Variants in NUP210L observed in about 807,000 individuals in gnomAD.
NUP210L encodes nuclear pore membrane glycoprotein 210-like.
Under a neutral mutation model 208.5 loss-of-function variants are expected in NUP210L, and 74 were observed. The ratio of observed to expected loss-of-function variants is 0.35; its 90% CI spans 0.29 to 0.43. The LOEUF (loss-of-function observed/expected upper bound fraction) is 0.43, where lower values mean the gene tolerates loss of function less well. NUP210L is among the 20% of genes least tolerant of loss of function. The pLI is 1.00. For missense variants in NUP210L, 1,843 were observed against 2,289.4 expected (o/e 0.81, Z 3.98); for synonymous variants, 780 against 816.9 (o/e 0.95, Z 0.77).
chr1:154,153,575 G>T (rs913444519), intron 1 of NUP210L, among the ~76,000 whole-genome samples: 1 of 152,162 alleles, frequency 6.6e-6, no homozygotes, highest in Admixed American at 6.5e-5. Flanking sequence ...CTCCCAAAGT[G>T]CTGGGATTAC....
intron 16 of NUP210L, among the ~76,000 whole-genome samples, chr1:154,089,090 T>G (rs937584139): frequency 6.6e-6 from 1 of 152,176 alleles, no homozygotes; most frequent in Non-Finnish European, 1.5e-5. Flanking sequence ...AAGCTGATTA[T>G]GTACTTAAGT....
intron 35 of NUP210L, among the ~76,000 whole-genome samples, chr1:154,005,372 G>T (rs936542766): frequency 6.7e-6 from 1 of 148,224 alleles, no homozygotes; most frequent in Non-Finnish European, 1.5e-5. Context: ...TACCCAAGTA[G>T]CGTGAGCCAC....
chr1:153,993,595 G>A (rs1296273629), intron 38 of NUP210L, among the ~76,000 whole-genome samples: 1 of 150,546 alleles, frequency 6.6e-6, no homozygotes, highest in African/African-American at 2.4e-5. Context: ...GGGAAATGGA[G>A]TAGACAATAG....
At chr1:153,994,732 A>C (rs145536212) in intron 38 of NUP210L, among the ~76,000 whole-genome samples, 142 of 151,650 alleles carry the variant, frequency 9.4e-4, no homozygotes, top group African/African-American at 3.3e-3. Context: ...AGGCAGTTTC[A>C]TCTGGGCGCG....
At chr1:154,045,088 C>G (rs1459849102) in intron 27 of NUP210L, among the ~76,000 whole-genome samples, 1 of 152,046 alleles carries the variant, frequency 6.6e-6, no homozygotes, top group African/African-American at 2.4e-5. Flanking sequence ...CATGGAGGGG[C>G]AGTTTAATTA....
chr1:154,007,299 G>T (rs1265914008), intron 35 of NUP210L, among the ~76,000 whole-genome samples: 2 of 149,374 alleles, frequency 1.3e-5, no homozygotes, highest in African/African-American at 5.0e-5. Context: ...TTTCGCTCTT[G>T]TTGCCCAGGT....
chr1:154,102,073 C>T (rs1245874057), intron 13 of NUP210L, among the ~76,000 whole-genome samples: 1 of 152,012 alleles, frequency 6.6e-6, no homozygotes, highest in Non-Finnish European at 1.5e-5. Flanking sequence ...ATCACTTGAA[C>T]CTGGGAGGTA....
At chr1:154,002,293 G>C (rs1437260904) in intron 35 of NUP210L, among the ~76,000 whole-genome samples, 1 of 152,024 alleles carries the variant, frequency 6.6e-6, no homozygotes, top group Non-Finnish European at 1.5e-5. Flanking sequence ...ATGGCATTCT[G>C]CAGCCCGACC....
chr1:154,105,392 G>A (rs1425519337), intron 12 of NUP210L, among the ~76,000 whole-genome samples: 2 of 151,218 alleles, frequency 1.3e-5, no homozygotes, highest in Admixed American at 6.6e-5. Flanking sequence ...AGGAGGCTGA[G>A]GCATGAGAAT....
intron 16 of NUP210L, among the ~76,000 whole-genome samples, chr1:154,071,104 GT>G (rs1007878249): frequency 7.1e-5 from 10 of 141,268 alleles, no homozygotes; most frequent in East Asian, 2.0e-4. Context: ...TTTGTTTTTT[GT>G]TTTTTTTTTG....
chr1:154,150,477 C>T (rs1057002414), intron 2 of NUP210L, among the ~76,000 whole-genome samples: 8 of 152,128 alleles, frequency 5.3e-5, no homozygotes, highest in Admixed American at 5.2e-4. Context: ...CCTGTAATCC[C>T]AGCACTTTGG....
intron 12 of NUP210L, among the ~76,000 whole-genome samples, chr1:154,113,837 A>C (rs1571288517): frequency 7.3e-6 from 1 of 136,114 alleles, no homozygotes; most frequent in African/African-American, 2.8e-5. Context: ...CAGCTTGGAC[A>C]ACAGAGCAAG....
chr1:154,112,567 A>C (rs1294148785), intron 12 of NUP210L, among the ~76,000 whole-genome samples: 2 of 152,044 alleles, frequency 1.3e-5, no homozygotes, highest in East Asian at 3.9e-4. Flanking sequence ...TCCCATAAAT[A>C]TATACACCTA....
At chr1:154,041,837 G>T (rs900149904) in intron 27 of NUP210L, among the ~76,000 whole-genome samples, 1 of 152,022 alleles carries the variant, frequency 6.6e-6, no homozygotes, top group Admixed American at 6.6e-5. Flanking sequence ...CCTTCTTGCT[G>T]TTCACAACCC....
chr1:154,059,540 T>A (rs1654034762), intron 20 of NUP210L, among the ~76,000 whole-genome samples: 1 of 152,120 alleles, frequency 6.6e-6, no homozygotes, highest in Admixed American at 6.6e-5. Context: ...GCAGAATTTA[T>A]GTTGATTGAA....
intron 30 of NUP210L, among the ~76,000 whole-genome samples, chr1:154,024,694 T>TTA (rs1553223431): frequency 6.6e-6 from 1 of 150,700 alleles, no homozygotes; most frequent in Admixed American, 6.6e-5. Flanking sequence ...GGCTATTTTT[T>TTA]TTTTTTTTTC....
chr1:154,099,298 T>A (rs1656337952), intron 14 of NUP210L, among the ~76,000 whole-genome samples: 1 of 152,096 alleles, frequency 6.6e-6, no homozygotes, highest in African/African-American at 2.4e-5. Flanking sequence ...CAGCCAAAGC[T>A]GCACCCAGGG....
intron 35 of NUP210L, among the ~76,000 whole-genome samples, chr1:154,004,195 A>C: frequency 1.4e-5 from 2 of 143,708 alleles, no homozygotes; most frequent in African/African-American, 5.2e-5. Context: ...CAGCCTCCCG[A>C]GTAGCTGGGA....
chr1:154,103,460 C>CA (rs1193835667), intron 13 of NUP210L, among the ~76,000 whole-genome samples: 1 of 151,276 alleles, frequency 6.6e-6, no homozygotes, highest in Middle Eastern at 3.4e-3. Context: ...ATCACGAGCT[C>CA]AGGAGATCGA....
Sources: allele counts gnomAD v4.1 joint callset (sites outside exome capture counted in the v4.1 genomes callset), GRCh38; gene constraint gnomAD v4.1.1; transcripts MANE v1.5; gene names NCBI Gene and HGNC (gene_info 2026-07-23, HGNC 2026-07-21).